Variants in FUBP3 observed in about 807,000 individuals in gnomAD.
FUBP3 encodes far upstream element binding protein 3.
A neutral mutation model predicts 85.6 loss-of-function variants in FUBP3; 28 were observed. The ratio of observed to expected loss-of-function variants is 0.33; its 90% CI spans 0.24 to 0.45. The LOEUF is 0.45. FUBP3 is among the 20% of genes least tolerant of loss of function. The pLI is 1.00. For synonymous variants in FUBP3, 271 were observed against 271.4 expected (o/e 1.00, Z 0.01); for missense variants, 583 against 755.1 (o/e 0.77, Z 2.67).
chr9:130,604,214 G>T (rs1831306658), intron 2 of FUBP3, among the ~76,000 whole-genome samples: 1 of 152,306 alleles, frequency 6.6e-6, no homozygotes, highest in Middle Eastern at 3.4e-3. Context: ...AGTGGTTAGG[G>T]ATTGAGTCGG....
intron 1 of FUBP3, among the ~76,000 whole-genome samples, chr9:130,594,996 G>T (rs749408065): frequency 6.6e-6 from 1 of 151,888 alleles, no homozygotes; most frequent in African/African-American, 2.4e-5. Flanking sequence ...AGAGGCCAAG[G>T]GGGGCAGATC....
chr9:130,587,406 C>T (rs548338845), intron 1 of FUBP3, among the ~76,000 whole-genome samples: 28 of 152,058 alleles, frequency 1.8e-4, no homozygotes, highest in African/African-American at 6.5e-4. Context: ...TGGTGGAATT[C>T]GATGGAATGG....
At chr9:130,594,118 G>C (rs987156600) in intron 1 of FUBP3, among the ~76,000 whole-genome samples, 2 of 152,082 alleles carry the variant, frequency 1.3e-5, no homozygotes, top group African/African-American at 4.8e-5. Flanking sequence ...TATAGGATGG[G>C]TGTATTCCTA....
chr9:130,621,206 A>G (rs531800155), intron 9 of FUBP3, among the ~76,000 whole-genome samples: 2 of 152,342 alleles, frequency 1.3e-5, no homozygotes, highest in African/African-American at 2.4e-5. Flanking sequence ...CGCTAGGGCT[A>G]TGCATGGTGG....
rs558843894 is a variant in FUBP3 at position 130,598,768 on chromosome 9, A to G, written c.190+3180A>G. Among the ~76,000 whole-genome samples the G allele has an allele frequency of 3.3e-4, 51 of 152,352 alleles. 1 individual carries two copies. Among genetic ancestry groups the G allele is most frequent in the Middle Eastern group, 6.8e-3 (2 of 294 alleles). On this transcript the variant is annotated intron_variant, in intron 2 of 18. Coordinates refer to ENST00000319725, the MANE Select transcript of FUBP3 (RefSeq NM_003934.2). ...ACTTTGTAAATACACACGAATTTTT[A>G]CAATCAAGTGAGTGCCATCCCCTTA...
intron 1 of FUBP3, among the ~76,000 whole-genome samples, chr9:130,590,239 A>G (rs1406468610): frequency 6.6e-6 from 1 of 152,026 alleles, no homozygotes; most frequent in Non-Finnish European, 1.5e-5. Flanking sequence ...TTCTTGGGAA[A>G]ACACTGGTTT....
In FUBP3 at chr9:130,637,212, T is replaced by C; in HGVS notation, c.*190T>C. On this transcript the variant is annotated 3_prime_UTR_variant, in exon 19 of 19. Coordinates refer to ENST00000319725, the MANE Select transcript of FUBP3 (RefSeq NM_003934.2). ...AGTTACTAAAAATTGCTGATCATTTTTGTTTCATTATTTTTGTTATTTCAA... is the reference window on the plus strand; with the variant it reads ...AGTTACTAAAAATTGCTGATCATTTCTGTTTCATTATTTTTGTTATTTCAA... 1.6e-6 allele frequency: 1 copy of C among 608,526 alleles called. No homozygotes were observed. Among genetic ancestry groups the C allele is most frequent in the Admixed American group, 2.8e-5 (1 of 35,786 alleles). The allele number at this position is 608,526 out of a possible 1,614,324, so 37.7% of individuals were successfully genotyped here. A position where few individuals can be genotyped will look rare whatever the true frequency, so the allele number is the denominator to read the frequency against.
intron 8 of FUBP3, among the ~76,000 whole-genome samples, chr9:130,619,232 A>G (rs772294006): frequency 1.3e-4 from 19 of 150,002 alleles, no homozygotes; most frequent in Non-Finnish European, 1.9e-4. Context: ...TTAATGTCCC[A>G]TAAATTTGCA....
At chr9:130,587,079 T>G (rs1210193262) in intron 1 of FUBP3, among the ~76,000 whole-genome samples, 27 of 149,492 alleles carry the variant, frequency 1.8e-4, no homozygotes, top group Admixed American at 1.5e-3. Context: ...TTTGTTTGTT[T>G]TTTTGAGATG....
chr9:130,589,409 T>C (rs1830484394), intron 1 of FUBP3, among the ~76,000 whole-genome samples: 1 of 145,638 alleles, frequency 6.9e-6, no homozygotes, highest in Non-Finnish European at 1.5e-5. Flanking sequence ...AATGGCTCGA[T>C]CTCGGCTCAT....
intron 12 of FUBP3, among the ~76,000 whole-genome samples, chr9:130,626,723 G>T (rs1194120539): frequency 9.2e-5 from 14 of 152,174 alleles, no homozygotes; most frequent in Non-Finnish European, 1.8e-4. Context: ...TATTATTTCT[G>T]GTGAGTATGA....
At chr9:130,624,819 G>A (rs893619454) in intron 11 of FUBP3, among the ~76,000 whole-genome samples, 2 of 152,084 alleles carry the variant, frequency 1.3e-5, no homozygotes, top group Non-Finnish European at 2.9e-5. Flanking sequence ...CAGGCACGGT[G>A]GCTCACTCTT....
At chr9:130,621,480 C>T (rs1004239024) in intron 9 of FUBP3, among the ~76,000 whole-genome samples, 4 of 152,200 alleles carry the variant, frequency 2.6e-5, no homozygotes, top group African/African-American at 9.6e-5. Flanking sequence ...ATAACAAGTC[C>T]AGCCCAGGTA....
At chr9:130,601,123 G>A (rs1485838427) in intron 2 of FUBP3, among the ~76,000 whole-genome samples, 1 of 152,200 alleles carries the variant, frequency 6.6e-6, no homozygotes, top group Non-Finnish European at 1.5e-5. Context: ...TGGCCCTCAA[G>A]CTTAATTTGC....
Position 130,635,520 on chromosome 9 carries a change from G to T in FUBP3, c.1583-479G>T, listed in dbSNP as rs1343363848. Among the ~76,000 whole-genome samples the T allele has an allele frequency of 6.6e-6, 1 of 152,162 alleles. No individual in the cohort carries two copies. Among genetic ancestry groups the T allele is most frequent in the Non-Finnish European group, 1.5e-5 (1 of 68,024 alleles). ...GCCCTTCTAGGGGTTGGAGGTGGGG[G>T]TGTTGAGTCATGGTCACCAGAGTGC... On this transcript the variant is annotated intron_variant, in intron 17 of 18. Coordinates refer to ENST00000319725, the MANE Select transcript of FUBP3 (RefSeq NM_003934.2). This position sits in a 1 kb window ranked among gnomAD's most constrained non-coding sequence, Gnocchi z 4.3.
intron 10 of FUBP3, 29 bp downstream of exon 10, chr9:130,622,839 TG>T (rs1453248998): frequency 3.6e-6 from 4 of 1,105,094 alleles, no homozygotes; most frequent in Non-Finnish European, 5.3e-6. Flanking sequence ...AAATCCTTAG[TG>T]TTAAAAAAAA....
Position 130,629,299 on chromosome 9 carries a change from C to T in FUBP3, c.1118-1329C>T, listed in dbSNP as rs76559616. Among the ~76,000 whole-genome samples, 569 of 152,296 alleles carry T rather than the reference C, an allele frequency of 3.7e-3. 10 individuals carry two copies. The highest frequency in any genetic ancestry group is 0.013 in the African/African-American group (553 of 41,562). On this transcript the variant is annotated intron_variant, in intron 12 of 18. Coordinates refer to ENST00000319725, the MANE Select transcript of FUBP3 (RefSeq NM_003934.2). ...CAGGGATGCTTCTCTGAAACTCCAG[C>T]GGGACCTTAAGGAAATCACAAGCAC... is the stretch of plus-strand genomic sequence containing the variant.
chr9:130,627,416 G>A (rs1830020921), intron 12 of FUBP3, among the ~76,000 whole-genome samples: 1 of 152,230 alleles, frequency 6.6e-6, no homozygotes, highest in Admixed American at 6.5e-5. Flanking sequence ...TTAGCTGCTT[G>A]AGGGGCGCTC....
chr9:130,589,328 A>C (rs965354361), intron 1 of FUBP3, among the ~76,000 whole-genome samples: 2 of 151,072 alleles, frequency 1.3e-5, no homozygotes, highest in African/African-American at 2.4e-5. Flanking sequence ...ATATTCTTAA[A>C]TTTACATTAT....
Sources: gnomAD v4.1 joint callset for allele counts (sites outside exome capture counted in the v4.1 genomes callset) on GRCh38, gnomAD v4.1.1 for gene constraint, Gnocchi (gnomAD v3.1) non-coding constraint, MANE v1.5 for transcripts, NCBI Gene and HGNC (gene_info 2026-07-23, HGNC 2026-07-21) for gene names.